The following EIF2B2 variants were observed in gnomAD, a reference collection of about 807,000 sequenced individuals.
The protein encoded by EIF2B2 is translation initiation factor eIF2B subunit beta.
In EIF2B2, 34 loss-of-function variants were observed where a neutral mutation model predicts 34.7. The observed-to-expected ratio is 0.98, with a 90% CI of 0.75 to 1.31. The LOEUF (loss-of-function observed/expected upper bound fraction) is 1.31, where lower values mean the gene tolerates loss of function less well. EIF2B2 is among the 50% of genes most tolerant of loss of function. EIF2B2 has a pLI of 0.00. For synonymous variants in EIF2B2, 155 were observed against 171.6 expected (o/e 0.90, Z 0.76); for missense variants, 361 against 447.7 (o/e 0.81, Z 1.75).
At chr14:75,008,384 A>G (rs1257932474) in intron 7 of EIF2B2, 1 of 175,030 alleles carries the variant, frequency 5.7e-6, no homozygotes, top group Non-Finnish European at 1.2e-5. Flanking sequence ...CCTTTATTTA[A>G]ATAAACATTC....
chr14:75,006,681 C>T lies in EIF2B2; in HGVS notation c.798C>T (p.Ile266=), dbSNP rs766262644. Reference sequence around the variant, plus strand: ...CAAAACACCATTCCACCCCACTCATCGTCTGTGCACCTATGTTCAAACTTT... The same window carrying T: ...CAAAACACCATTCCACCCCACTCATTGTCTGTGCACCTATGTTCAAACTTT... ...LAAKHHSTPL[I]VCAPMFKLSP... Residue 266 remains isoleucine, a synonymous_variant, in exon 6 of 8, where the codon ATC becomes ATT. Coordinates refer to ENST00000266126, the MANE Select transcript of EIF2B2 (RefSeq NM_014239.4). The surrounding 1 kb of genome is among the most constrained non-coding windows in gnomAD (Gnocchi z 4.1). The T allele has an allele frequency of 3.1e-6, 5 of 1,614,112 alleles. No homozygotes were observed. In the South Asian group the frequency reaches 3.3e-5, roughly 11 times the overall value.
chr14:75,009,361 C>A lies in EIF2B2; in HGVS notation c.*173C>A. 2 of 730,640 alleles carry A rather than the reference C, an allele frequency of 2.7e-6. No homozygotes were observed. The highest frequency in any genetic ancestry group is 4.7e-6 in the Non-Finnish European group (2 of 422,142). 45.3% of individuals were successfully genotyped at this position (730,640 alleles called of 1,614,324 possible). A position where few individuals can be genotyped will look rare whatever the true frequency, so the allele number is the denominator to read the frequency against. On this transcript the variant is annotated 3_prime_UTR_variant, in exon 8 of 8. Coordinates refer to ENST00000266126, the MANE Select transcript of EIF2B2 (RefSeq NM_014239.4). ...TTAGTCACCCCGTAACAAGGGCACA[C>A]ATCCAGGACTGTGTCTTGCCTTTCA...
Position 75,006,985 on chromosome 14 carries a change from C to T in EIF2B2, c.831+271C>T, listed in dbSNP as rs1889636004. 1 of 592,534 alleles carries T rather than the reference C, an allele frequency of 1.7e-6. No homozygotes were observed. Among genetic ancestry groups the T allele is most frequent in the Non-Finnish European group, 3.2e-6 (1 of 316,474 alleles). 36.7% of individuals were successfully genotyped at this position (592,534 alleles called of 1,614,324 possible). Reference sequence around the variant, plus strand: ...CTTTGCTTACGATTGCCACCACTCCCTGTCGCCTGACCATTTCTGAAAATG... The same window carrying T: ...CTTTGCTTACGATTGCCACCACTCCTTGTCGCCTGACCATTTCTGAAAATG... On this transcript the variant is annotated intron_variant, in intron 6 of 7. Coordinates refer to ENST00000266126, the MANE Select transcript of EIF2B2 (RefSeq NM_014239.4). This position sits in a 1 kb window ranked among gnomAD's most constrained non-coding sequence, Gnocchi z 4.1.
At chr14:75,005,392 G>C (rs1245734464) in intron 4 of EIF2B2, among the ~76,000 whole-genome samples, 1 of 149,964 alleles carries the variant, frequency 6.7e-6, no homozygotes, top group Non-Finnish European at 1.5e-5. Flanking sequence ...AAAAAAAAAA[G>C]ATGGCGAGCT....
intron 6 of EIF2B2, 24 bp from the exon 7 acceptor site, chr14:75,007,696 GTT>G (rs1889647338): frequency 2.5e-6 from 4 of 1,605,488 alleles, no homozygotes; most frequent in Non-Finnish European, 3.4e-6. Flanking sequence ...TGGGTCTCTA[GTT>G]TTTATAAATT....
At position 75,003,246 on chromosome 14, in the gene EIF2B2, C is replaced by T. The variant is rs372208258; in HGVS notation, c.164-29C>T. On this transcript the variant is annotated intron_variant, in intron 1 of 7. Transcript: ENST00000266126. ...TCCCAGGCCTCACTTCGCGTTGGCT[C>T]CTCTTATCCTCTCTCTTTTGGACTG... 22 of 1,613,496 alleles carry T rather than the reference C, an allele frequency of 1.4e-5. No homozygotes were observed. The South Asian group carries it at 2.3e-4, about 17-fold the overall frequency.
chr14:75,004,853 A>G lies in EIF2B2; in HGVS notation c.550A>G (p.Lys184Glu). The stretch of plus-strand genomic sequence containing the variant: ...GGCCTTCCTCAAAGAGGCTGCCCGA[A>G]AGAGGAAATTCCATGTCATTGTAGC... ...VEAFLKEAAR[K>E]RKFHVIVAEC... Residue 184 changes from lysine to glutamate, a missense_variant, in exon 4 of 8, where the codon AAG (lysine) becomes GAG (glutamate). By Grantham distance (56) the Lys-to-Glu change is moderately conservative. Transcript: ENST00000266126. 8 of 1,613,470 alleles carry G rather than the reference A, an allele frequency of 5.0e-6. No homozygotes were observed. Among genetic ancestry groups the G allele is most frequent in the Non-Finnish European group, 6.8e-6 (8 of 1,179,844 alleles).
At position 75,010,209 on chromosome 14, in the gene EIF2B2, G is replaced by A. The variant is rs1889686692; in HGVS notation, c.*1021G>A. On this transcript the variant is annotated 3_prime_UTR_variant, in exon 8 of 8. Transcript: ENST00000266126. ...GCATCTGATCTCAGGGTTACTACCT[G>A]GGAATCTGTTTAAAGCTTCCCAGAA... The A allele has an allele frequency of 6.6e-6, 1 of 152,088 alleles. No homozygotes were observed. The highest frequency in any genetic ancestry group is 6.6e-5 in the Admixed American group (1 of 15,262). The allele number at this position is 152,088 out of a possible 1,614,324, so 9.4% of individuals were successfully genotyped here.
chr14:75,007,293 C>T (rs932132113), intron 6 of EIF2B2: 1 of 358,620 alleles, frequency 2.8e-6, no homozygotes, highest in Non-Finnish European at 5.4e-6. Context: ...ACTTTTTCTC[C>T]ACTGTAGAAA....
intron 3 of EIF2B2, among the ~76,000 whole-genome samples, chr14:75,004,096 T>C (rs949453695): frequency 1.3e-5 from 2 of 152,230 alleles, no homozygotes; most frequent in African/African-American, 4.8e-5. Flanking sequence ...CTTGCAGATA[T>C]TCATTGTAAT....
chr14:75,005,932 A>G lies in EIF2B2; in HGVS notation c.664A>G (p.Ile222Val), dbSNP rs142977089. ...IETTVMTDAAIFAVMSRVNKV... is the reference protein window; with the variant it reads ...IETTVMTDAAVFAVMSRVNKV... Reference sequence around the variant, plus strand: ...GACAACTGTCATGACTGATGCTGCCATTTTTGCCGTTATGTCAAGAGTCAA... The same window carrying G: ...GACAACTGTCATGACTGATGCTGCCGTTTTTGCCGTTATGTCAAGAGTCAA... The change falls in exon 5 of 8, where the codon ATT (isoleucine) becomes GTT (valine). Residue 222 changes from isoleucine to valine, a missense_variant. Coordinates refer to ENST00000266126, the MANE Select transcript of EIF2B2 (RefSeq NM_014239.4). 1.2e-4 allele frequency: 189 copies of G among 1,613,522 alleles called. No individual in the cohort carries two copies. Among genetic ancestry groups the G allele is most frequent in the Non-Finnish European group, 1.5e-4 (173 of 1,179,572 alleles).
chr14:75,005,778 A>G, intron 4 of EIF2B2, 88 bp from the exon 5 acceptor site: 1 of 1,022,824 alleles, frequency 9.8e-7, no homozygotes, highest in African/African-American at 1.6e-5. Context: ...CCCATATCAC[A>G]CAATTCCCCA....
In EIF2B2 at chr14:75,009,429, C is replaced by T. The variant is rs1046595426; in HGVS notation, c.*241C>T. On this transcript the variant is annotated 3_prime_UTR_variant, in exon 8 of 8. Transcript: ENST00000266126. ...AGGGCTTAACTTGTTGATTTTGGAG[C>T]CTCTTAGTGACCTGGTTGCGTCTGT... is the stretch of plus-strand genomic sequence containing the variant. 1.1e-4 allele frequency: 56 copies of T among 526,274 alleles called. No homozygotes were observed. The highest frequency in any genetic ancestry group is 3.1e-5 in the Admixed American group (1 of 32,160). The allele number at this position is 526,274 out of a possible 1,614,324, so 32.6% of individuals were successfully genotyped here. A position where few individuals can be genotyped will look rare whatever the true frequency, so the allele number is the denominator to read the frequency against.
Position 75,006,527 on chromosome 14 carries a change from T to G in EIF2B2, c.694-50T>G. On this transcript the variant is annotated intron_variant, in intron 5 of 7. Transcript: ENST00000266126. This position sits in a 1 kb window ranked among gnomAD's most constrained non-coding sequence, Gnocchi z 4.1. ...TTAGCTTTTTGTGGCCAGTGGCCCT[T>G]TTAGGGCTCCACCCCCAGGATGGCT... 6.2e-7 allele frequency: 1 copy of G among 1,609,488 alleles called. No homozygotes were observed. The highest frequency in any genetic ancestry group is 8.5e-7 in the Non-Finnish European group (1 of 1,179,802).
Position 75,006,085 on chromosome 14 carries a change from T to C in EIF2B2, c.693+124T>C. The C allele has an allele frequency of 2.5e-6, 2 of 811,588 alleles. No homozygotes were observed. Among genetic ancestry groups the C allele is most frequent in the Non-Finnish European group, 4.3e-6 (2 of 469,276 alleles). The allele number at this position is 811,588 out of a possible 1,614,324, so 50.3% of individuals were successfully genotyped here. ...TTCTAGCACCTTTCAAAGTACATACTTAGGCCTTTTTAATCTGTTAACTGA... is the reference window on the plus strand; with the variant it reads ...TTCTAGCACCTTTCAAAGTACATACCTAGGCCTTTTTAATCTGTTAACTGA... On this transcript the variant is annotated intron_variant, in intron 5 of 7. Coordinates refer to ENST00000266126, the MANE Select transcript of EIF2B2 (RefSeq NM_014239.4). This position sits in a 1 kb window ranked among gnomAD's most constrained non-coding sequence, Gnocchi z 4.1.
At chr14:75,008,115 T>C (rs563437328) in intron 7 of EIF2B2, 38 of 326,702 alleles carry the variant, frequency 1.2e-4, no homozygotes, top group South Asian at 1.0e-3. Flanking sequence ...ATGTACCTGT[T>C]TTCCTGCTAT....
In EIF2B2 at chr14:75,006,890, A is replaced by G. The variant is rs1889633967; in HGVS notation, c.831+176A>G. On this transcript the variant is annotated intron_variant, in intron 6 of 7. Transcript: ENST00000266126. This position sits in a 1 kb window ranked among gnomAD's most constrained non-coding sequence, Gnocchi z 4.1. ...CACAGAAGTCTTGATTCAGTAAAAC[A>G]GTTGAGAGTTCTCAGCTGTCAACTT... 1 of 939,696 alleles carries G rather than the reference A, an allele frequency of 1.1e-6. No homozygotes were observed. The highest frequency in any genetic ancestry group is 1.7e-6 in the Non-Finnish European group (1 of 591,936). The allele number at this position is 939,696 out of a possible 1,614,324, so 58.2% of individuals were successfully genotyped here.
intron 2 of EIF2B2, 43 bp from the exon 3 acceptor site, chr14:75,003,508 C>A (rs1221994319): frequency 6.2e-7 from 1 of 1,614,122 alleles, no homozygotes; most frequent in Admixed American, 1.7e-5. Flanking sequence ...CCTGCCTGAC[C>A]ACTCCTCCCC....
At chr14:75,008,746 G>A (rs1322437706) in intron 7 of EIF2B2, among the ~76,000 whole-genome samples, 1 of 152,230 alleles carries the variant, frequency 6.6e-6, no homozygotes, top group Admixed American at 6.5e-5. Context: ...GAGCAAGGGG[G>A]AGAGTGGTCC....
Sources: gnomAD v4.1 joint callset for allele counts (sites outside exome capture counted in the v4.1 genomes callset) on GRCh38, gnomAD v4.1.1 for gene constraint, Gnocchi (gnomAD v3.1) non-coding constraint, MANE v1.5 for transcripts, NCBI Gene and HGNC (gene_info 2026-07-23, HGNC 2026-07-21) for gene names.